The following TOP2B variants were observed in gnomAD, a reference collection of about 807,000 sequenced individuals.
TOP2B encodes the protein DNA topoisomerase II beta, also known as DNA topoisomerase 2-beta.
A neutral mutation model predicts 193.5 loss-of-function variants in TOP2B; 51 were observed. The observed-to-expected ratio is 0.26, with a 90% CI of 0.21 to 0.33. TOP2B has a LOEUF of 0.33. TOP2B is among the 10% of genes least tolerant of loss of function. The pLI, the probability that TOP2B is intolerant of heterozygous loss-of-function variation, is 1.00. For synonymous variants in TOP2B, 634 were observed against 635.7 expected (o/e 1.00, Z 0.04); for missense variants, 1,378 against 1,909.3 (o/e 0.72, Z 5.19).
At chr3:25,607,103 C>G in intron 31 of TOP2B, 68 bp downstream of exon 31, 1 of 1,551,772 alleles carries the variant, frequency 6.4e-7, no homozygotes, top group Non-Finnish European at 8.7e-7. Flanking sequence ...TAGAAGAGCT[C>G]ACTATAATAT....
At chr3:25,606,010 A>G in intron 32 of TOP2B, 33 bp downstream of exon 32, 7 of 1,270,674 alleles carry the variant, frequency 5.5e-6, no homozygotes, top group Non-Finnish European at 7.5e-6. Flanking sequence ...AAGCAATAAT[A>G]CAATAACCAA....
At chr3:25,618,887 C>A (rs1228952699) in intron 23 of TOP2B, 38 bp from the exon 24 acceptor site, 3 of 1,455,170 alleles carry the variant, frequency 2.1e-6, no homozygotes, top group Non-Finnish European at 2.8e-6. Context: ...TCATATAGAT[C>A]TGTACTGGTA....
At position 25,598,304 on chromosome 3, in the gene TOP2B, C is replaced by CACTT. The variant is rs760712516; in HGVS notation, c.4880_*2dup. The CACTT allele has an allele frequency of 2.9e-5, 46 of 1,599,958 alleles. No homozygotes were observed. Among genetic ancestry groups the CACTT allele is most frequent in the African/African-American group, 2.0e-4 (15 of 74,564 alleles). On this transcript the variant is annotated 3_prime_UTR_variant, in exon 36 of 36. Transcript: ENST00000264331. Reference sequence around the variant, plus strand: ...TTGAAAAATGTTTGTGCTCTTTGGGCACTTAATTAAACATTGCAAAATCAA... The same window carrying CACTT: ...TTGAAAAATGTTTGTGCTCTTTGGGCACTTACTTAATTAAACATTGCAAAATCAA...
chr3:25,598,154 A>C lies in TOP2B; in HGVS notation c.*153T>G. On this transcript the variant is annotated 3_prime_UTR_variant, in exon 36 of 36. Transcript: ENST00000264331. ...AAAAAGAGCATAAAACTGTATGTGT[A>C]AGAACAAAATGTTAAAAGGCCTACC... is the stretch of plus-strand genomic sequence containing the variant. The C allele has an allele frequency of 1.4e-6, 1 of 736,882 alleles. No individual in the cohort carries two copies. The highest frequency in any genetic ancestry group is 2.2e-5 in the South Asian group (1 of 46,082). 45.6% of individuals were successfully genotyped at this position (736,882 alleles called of 1,614,324 possible).
intron 33 of TOP2B, among the ~76,000 whole-genome samples, chr3:25,604,348 AAG>A (rs1702181429): frequency 6.6e-6 from 1 of 152,220 alleles, no homozygotes; most frequent in South Asian, 2.1e-4. Flanking sequence ...GGCTGTGAAA[AAG>A]AGAGAAGCTG....
At position 25,598,369 on chromosome 3, in the gene TOP2B, C is replaced by A. The variant is rs764317223; in HGVS notation, c.4819G>T (p.Val1607Leu). The change falls in exon 36 of 36, where the codon GTA (valine) becomes TTA (leucine). Residue 1607 changes from valine to leucine, a missense_variant. Transcript: ENST00000264331. ...LPRTGRARKE[V>L]KYFAESDEEE... ...TCATCAGACTCTGCAAAATATTTTA[C>A]TTCTTTCCTAGCCCGACCGGTTCGT... 1.2e-6 allele frequency: 2 copies of A among 1,613,214 alleles called. No homozygotes were observed. Among genetic ancestry groups the A allele is most frequent in the African/African-American group, 2.7e-5 (2 of 74,908 alleles).
chr3:25,598,199 A>AATTACATCATCACATT lies in TOP2B; in HGVS notation c.*92_*107dup, dbSNP rs1553638576. 3.4e-6 allele frequency: 4 copies of AATTACATCATCACATT among 1,192,778 alleles called. No homozygotes were observed. In the African/African-American group the frequency reaches 6.1e-5, roughly 18 times the overall value. 73.9% of individuals were successfully genotyped at this position (1,192,778 alleles called of 1,614,324 possible). A position where few individuals can be genotyped will look rare whatever the true frequency, so the allele number is the denominator to read the frequency against. On this transcript the variant is annotated 3_prime_UTR_variant, in exon 36 of 36. Transcript: ENST00000264331. ...CCTACCACAATAATAAAAAACCGTC[A>AATTACATCATCACATT]ATTACATCATCACATTAAAATAAGC...
intron 21 of TOP2B, among the ~76,000 whole-genome samples, chr3:25,621,333 C>A (rs528370808): frequency 6.6e-6 from 1 of 152,138 alleles, no homozygotes; most frequent in Admixed American, 6.5e-5. Flanking sequence ...TCCTTCCCAA[C>A]TGAATTACAA....
intron 15 of TOP2B, among the ~76,000 whole-genome samples, chr3:25,627,652 C>A (rs1297566108): frequency 6.6e-6 from 1 of 152,078 alleles, no homozygotes; most frequent in South Asian, 2.1e-4. Flanking sequence ...ACAGAACAAA[C>A]AACCCAACTT....
At chr3:25,627,643 C>T (rs1232360259) in intron 15 of TOP2B, among the ~76,000 whole-genome samples, 4 of 152,016 alleles carry the variant, frequency 2.6e-5, no homozygotes, top group Non-Finnish European at 5.9e-5. Flanking sequence ...GAATATTACA[C>T]AGAACAAACA....
intron 10 of TOP2B, 127 bp from the exon 11 acceptor site, chr3:25,631,066 G>A (rs1161594718): frequency 7.3e-6 from 5 of 688,714 alleles, no homozygotes; most frequent in Non-Finnish European, 1.1e-5. Flanking sequence ...AAACAATAAT[G>A]GTGATAAGCA....
intron 27 of TOP2B, among the ~76,000 whole-genome samples, chr3:25,614,893 C>T (rs1702464818): frequency 6.6e-6 from 1 of 151,950 alleles, no homozygotes; most frequent in Non-Finnish European, 1.5e-5. Flanking sequence ...CAATTATACA[C>T]ACATATTAGC....
At chr3:25,618,885 A>T (rs1702583651) in intron 23 of TOP2B, 36 bp from the exon 24 acceptor site, 2 of 1,467,038 alleles carry the variant, frequency 1.4e-6, no homozygotes, top group Non-Finnish European at 1.8e-6. Context: ...GATCATATAG[A>T]TCTGTACTGG....
chr3:25,638,216 C>A lies in TOP2B; in HGVS notation c.490G>T (p.Gly164Ter). 6.6e-7 allele frequency: 1 copy of A among 1,522,870 alleles called. No homozygotes were observed. The highest frequency in any genetic ancestry group is 8.9e-7 in the Non-Finnish European group (1 of 1,129,670). 94.3% of individuals were successfully genotyped at this position (1,522,870 alleles called of 1,614,324 possible). ...EKVYVPALIF[G>*]QLLTSSNYDD... is the part of the protein sequence containing the mutation. ...TAGTTACTGGATGTTAAAAGCTGTC[C>A]AAAAATTAAAGCAGGAACATAAACT... The change falls in exon 5 of 36, where the codon GGA becomes TGA. Residue 164 changes from glycine (G) to a stop codon, truncating the protein, a stop_gained. Transcript: ENST00000264331. LOFTEE classifies it high-confidence loss of function.
chr3:25,609,631 C>T lies in TOP2B; in HGVS notation c.3868G>A (p.Ala1290Thr), dbSNP rs763909276. The change falls in exon 29 of 36, where the codon GCA becomes ACA. Residue 1290 changes from alanine to threonine, a missense_variant. Around this residue, in one of 9 missense-constraint regions of TOP2B, gnomAD observed 556 missense variants for 584.2 expected, o/e 0.95. Transcript: ENST00000264331. ...GAPVEGAGEE[A>T]LTPSVPINKG... ...TTTATAGGAACTGATGGAGTCAATG[C>T]CTCTTCTCCTGCACCTTCTACTGGT... The T allele has an allele frequency of 1.1e-4, 172 of 1,581,926 alleles. No individual in the cohort carries two copies. Among genetic ancestry groups the T allele is most frequent in the Non-Finnish European group, 1.4e-4 (167 of 1,165,448 alleles).
chr3:25,649,260 A>T (rs1177346921), intron 1 of TOP2B, among the ~76,000 whole-genome samples: 1 of 152,194 alleles, frequency 6.6e-6, no homozygotes, highest in Non-Finnish European at 1.5e-5. Context: ...GCCACTATCT[A>T]TCAGAACAAC....
At chr3:25,661,459 T>G (rs957695999) in intron 1 of TOP2B, among the ~76,000 whole-genome samples, 1 of 152,234 alleles carries the variant, frequency 6.6e-6, no homozygotes. Context: ...AACTGTATTC[T>G]AGTATTTCCA....
intron 34 of TOP2B, among the ~76,000 whole-genome samples, 179 bp from the exon 35 acceptor site, chr3:25,599,708 A>G (rs1702040980): frequency 6.6e-6 from 1 of 152,240 alleles, no homozygotes; most frequent in Non-Finnish European, 1.5e-5. Context: ...TGGGGTTGAC[A>G]TGACCAAAGA....
At chr3:25,661,704 C>T (rs1272618686) in intron 1 of TOP2B, among the ~76,000 whole-genome samples, 1 of 152,082 alleles carries the variant, frequency 6.6e-6, no homozygotes. Flanking sequence ...CAAACACAAA[C>T]CAAATGAATT....
Sources: allele counts gnomAD v4.1 joint callset (sites outside exome capture counted in the v4.1 genomes callset), GRCh38; gene constraint gnomAD v4.1.1; regional missense constraint gnomAD v4.1.1; transcripts MANE v1.5; gene names NCBI Gene and HGNC (gene_info 2026-07-23, HGNC 2026-07-21).